The following H2AZ2 variants were observed in gnomAD, a reference collection of about 807,000 sequenced individuals.
H2AZ2 encodes the protein H2A.Z variant histone 2.
Under a neutral mutation model 15.5 loss-of-function variants are expected in H2AZ2, and 5 were observed. The ratio of observed to expected loss-of-function variants is 0.32; its 90% CI spans 0.17 to 0.68. The LOEUF (loss-of-function observed/expected upper bound fraction) is 0.68, where lower values mean the gene tolerates loss of function less well. Among genes scored for constraint, H2AZ2 ranks in the 30% least tolerant of loss-of-function variants. The pLI, the probability that H2AZ2 is intolerant of heterozygous loss-of-function variation, is 0.72. For synonymous variants in H2AZ2, 44 were observed against 57.4 expected (o/e 0.77, Z 1.05); for missense variants, 42 against 162.5 (o/e 0.26, Z 4.03).
rs925874208 is a variant in H2AZ2 at position 44,832,067 on chromosome 7, G to A, written c.*2434C>T. ...GATACATTCAGTAAAATCCACTGAA[G>A]GACAATTCTATAGGACAAACAACTT... On this transcript the variant is annotated 3_prime_UTR_variant, in exon 5 of 5. Coordinates refer to ENST00000308153, the MANE Select transcript of H2AZ2 (RefSeq NM_012412.5). Among the ~76,000 whole-genome samples the A allele has an allele frequency of 1.7e-4, 26 of 152,098 alleles. No individual in the cohort carries two copies. Among genetic ancestry groups the A allele is most frequent in the South Asian group, 8.3e-4 (4 of 4,824 alleles).
downstream of H2AZ2, chr7:44,827,812 C>T (rs1479972017): frequency 6.6e-6 from 1 of 152,140 alleles, no homozygotes; most frequent in Non-Finnish European, 1.5e-5. Flanking sequence ...CTGTTTTGTA[C>T]AGATGTGGCC....
rs1219223356 is a variant in H2AZ2 at position 44,834,566 on chromosome 7, G to A, written c.326-4C>T. On this transcript the variant is annotated splice_polypyrimidine_tract_variant and splice_region_variant and intron_variant, in intron 4 of 4. Coordinates refer to ENST00000308153, the MANE Select transcript of H2AZ2 (RefSeq NM_012412.5). ...TTGTGGATGTGAGGGATCACACCTAGAATGAAATTTAAAAAAGTTATTAAA... is the reference window on the plus strand; with the variant it reads ...TTGTGGATGTGAGGGATCACACCTAAAATGAAATTTAAAAAAGTTATTAAA... 2 of 1,591,046 alleles carry A rather than the reference G, an allele frequency of 1.3e-6. No homozygotes were observed.
rs188815279 is a variant in H2AZ2, at chr7:44,833,238, T to C, written c.*1263A>G. ...TTTCTGTATTTTTAGTAGAGACTTT[T>C]TTTTGTTTGTTTTGAGAGGGAGTCT... On this transcript the variant is annotated 3_prime_UTR_variant, in exon 5 of 5. Transcript: ENST00000308153. Among the ~76,000 whole-genome samples the C allele has an allele frequency of 3.8e-4, 58 of 151,980 alleles. No homozygotes were observed. The highest frequency in any genetic ancestry group is 8.1e-4 in the Non-Finnish European group (55 of 67,960).
downstream of H2AZ2, among the ~76,000 whole-genome samples, chr7:44,831,247 G>A (rs956329233): frequency 1.3e-5 from 2 of 152,134 alleles, no homozygotes; most frequent in African/African-American, 4.8e-5. Flanking sequence ...TGATATGATA[G>A]CTGGAACGTG....
intron 1 of H2AZ2, among the ~76,000 whole-genome samples, chr7:44,843,621 C>T (rs1450059185): frequency 3.9e-5 from 6 of 152,096 alleles, no homozygotes; most frequent in African/African-American, 1.4e-4. Context: ...TGCAGTGGTG[C>T]GACCTTGACT....
At chr7:44,845,048 T>C (rs2117045498) in intron 1 of H2AZ2, among the ~76,000 whole-genome samples, 1 of 152,322 alleles carries the variant, frequency 6.6e-6, no homozygotes, top group South Asian at 2.1e-4. Context: ...TGAGGGGCTA[T>C]TCTTTCAAAA....
intron 3 of H2AZ2, among the ~76,000 whole-genome samples, chr7:44,837,491 C>A: frequency 7.1e-6 from 1 of 140,920 alleles, no homozygotes. Flanking sequence ...CCAATCTTAA[C>A]CTAAATTGTT....
At chr7:44,837,499 G>GT (rs1228742559) in intron 3 of H2AZ2, among the ~76,000 whole-genome samples, 3,226 of 122,772 alleles carry the variant, frequency 0.026, 127 homozygotes, top group African/African-American at 0.085. Context: ...AACCTAAATT[G>GT]TTTTTTTTTT....
At position 44,848,058 on chromosome 7, in the gene H2AZ2, C is replaced by G; in HGVS notation, c.-87G>C. On this transcript the variant is annotated 5_prime_UTR_variant, in exon 1 of 5. Transcript: ENST00000308153. ...CCGCCGCCGCTCTCGCAGCACCGAC[C>G]GCCGCCGCCGGAGCCGGACAATACC... The G allele has an allele frequency of 2.4e-6, 2 of 825,068 alleles. No individual in the cohort carries two copies. Among genetic ancestry groups the G allele is most frequent in the Non-Finnish European group, 3.2e-6 (2 of 619,870 alleles). 51.1% of individuals were successfully genotyped at this position (825,068 alleles called of 1,614,324 possible). A position where few individuals can be genotyped will look rare whatever the true frequency, so the allele number is the denominator to read the frequency against.
intron 1 of H2AZ2, among the ~76,000 whole-genome samples, chr7:44,844,609 C>T (rs1345902635): frequency 1.3e-5 from 2 of 152,152 alleles, no homozygotes; most frequent in Non-Finnish European, 2.9e-5. Context: ...CTGTCTCATC[C>T]TCCCAAAGTA....
In H2AZ2 at chr7:44,834,079, G is replaced by C. The variant is rs1323681043; in HGVS notation, c.*422C>G. On this transcript the variant is annotated 3_prime_UTR_variant, in exon 5 of 5. Transcript: ENST00000308153. ...TGCTACAGATCAATAGCATCTAAGAGTCAATATACCATGGTATCAATCATT... is the reference window on the plus strand; with the variant it reads ...TGCTACAGATCAATAGCATCTAAGACTCAATATACCATGGTATCAATCATT... 1.2e-6 allele frequency: 1 copy of C among 825,010 alleles called. No homozygotes were observed. Among genetic ancestry groups the C allele is most frequent in the Non-Finnish European group, 1.5e-6 (1 of 682,682 alleles). 51.1% of individuals were successfully genotyped at this position (825,010 alleles called of 1,614,324 possible). A position where few individuals can be genotyped will look rare whatever the true frequency, so the allele number is the denominator to read the frequency against.
At chr7:44,843,493 T>C in intron 1 of H2AZ2, 139 bp from the exon 2 acceptor site, 6 of 606,258 alleles carry the variant, frequency 9.9e-6, no homozygotes, top group Non-Finnish European at 1.8e-5. Flanking sequence ...TTTGTAAATA[T>C]ACATGGGATT....
chr7:44,836,428 T>C (rs1004177312), intron 3 of H2AZ2, among the ~76,000 whole-genome samples: 16 of 152,170 alleles, frequency 1.1e-4, no homozygotes, highest in African/African-American at 3.9e-4. Context: ...GTCAAACCCT[T>C]GGCCTCAAGT....
chr7:44,835,794 A>AAAAGCATTATAGAAAT, intron 3 of H2AZ2, 136 bp from the exon 4 acceptor site: 1 of 713,084 alleles, frequency 1.4e-6, no homozygotes, highest in Non-Finnish European at 2.1e-6. Context: ...GTATTTCTAT[A>AAAAGCATTATAGAAAT]ATGCTTTTAT....
chr7:44,831,441 C>T (rs866753866), downstream of H2AZ2, among the ~76,000 whole-genome samples: 14 of 151,980 alleles, frequency 9.2e-5, no homozygotes, highest in Admixed American at 7.9e-4. Context: ...ATGAATTAGA[C>T]ATTTGAAGCA....
intron 4 of H2AZ2, 175 bp downstream of exon 4, chr7:44,835,354 T>G (rs1583712024): frequency 1.0e-5 from 5 of 482,756 alleles, no homozygotes. Flanking sequence ...GGCTAGAAGG[T>G]GAAATATTTA....
rs532855682 is a variant in H2AZ2, at chr7:44,833,399, A to AT, written c.*1101dup. ...AGGCGCGTGCCACCACACCCGGCTA[A>AT]TTTTTTGTATTTTTTTAAATAGAGA... On this transcript the variant is annotated 3_prime_UTR_variant, in exon 5 of 5. Coordinates refer to ENST00000308153, the MANE Select transcript of H2AZ2 (RefSeq NM_012412.5). Among the ~76,000 whole-genome samples the AT allele has an allele frequency of 6.7e-4, 101 of 151,710 alleles. 1 individual carries two copies. The highest frequency in any genetic ancestry group is 2.4e-3 in the African/African-American group (97 of 41,118).
chr7:44,836,852 T>C (rs2117029195), intron 3 of H2AZ2, among the ~76,000 whole-genome samples: 1 of 148,484 alleles, frequency 6.7e-6, no homozygotes, highest in East Asian at 2.2e-4. Context: ...AAAAATTAGC[T>C]GGGTGTGGTG....
At chr7:44,842,813 A>C (rs549235100) in intron 2 of H2AZ2, among the ~76,000 whole-genome samples, 1 of 152,244 alleles carries the variant, frequency 6.6e-6, no homozygotes, top group South Asian at 2.1e-4. Flanking sequence ...CACTGCCAAG[A>C]GGATAACAGT....
Sources: allele counts gnomAD v4.1 joint callset (sites outside exome capture counted in the v4.1 genomes callset), GRCh38; gene constraint gnomAD v4.1.1; transcripts MANE v1.5; gene names NCBI Gene and HGNC (gene_info 2026-07-23, HGNC 2026-07-21).